Variants in TANK observed in about 807,000 individuals in gnomAD.
The protein encoded by TANK is TRAF family member-associated NF-kappa-B activator.
A neutral mutation model predicts 43.6 loss-of-function variants in TANK; 15 were observed. The ratio of observed to expected loss-of-function variants is 0.34; its 90% confidence interval spans 0.23 to 0.53. The LOEUF (loss-of-function observed/expected upper bound fraction) is 0.53, where lower values mean the gene tolerates loss of function less well. TANK is among the 20% of genes least tolerant of loss of function. The probability of loss-of-function intolerance (pLI) is 0.94; values close to 1 mark genes in which losing one functional copy is unlikely to be tolerated. For missense variants in TANK, 417 were observed against 498.6 expected (o/e 0.84, Z 1.56); for synonymous variants, 162 against 178.2 (o/e 0.91, Z 0.73).
At chr2:161,162,959 T>C (rs147099029) in intron 1 of TANK, 3 of 152,316 alleles carry the variant, frequency 2.0e-5, no homozygotes, top group East Asian at 3.9e-4. Context: ...AACAGGATAG[T>C]GAATTACTTT....
chr2:161,187,873 A>G (rs945988949), intron 2 of TANK, among the ~76,000 whole-genome samples: 6 of 152,246 alleles, frequency 3.9e-5, no homozygotes, highest in Non-Finnish European at 8.8e-5. Context: ...TCTAATCACA[A>G]TGAAATGAAA....
In TANK at chr2:161,219,297, A is replaced by G. The variant is rs76367158; in HGVS notation, c.328-4618A>G. Among the ~76,000 whole-genome samples, 630 of 152,372 alleles carry G rather than the reference A, an allele frequency of 4.1e-3. 13 individuals are homozygous for G. Among genetic ancestry groups the G allele is most frequent in the African/African-American group, 0.015 (610 of 41,584 alleles). On this transcript the variant is annotated intron_variant, in intron 4 of 7. Coordinates refer to ENST00000392749, the MANE Select transcript of TANK (RefSeq NM_001199135.3). ...ATGGGTTATGTTAAACCACAACCCA[A>G]TAAAGAACTTGGAAGTAATTAGGGT...
intron 2 of TANK, among the ~76,000 whole-genome samples, chr2:161,190,603 C>T (rs1685871198): frequency 1.3e-5 from 2 of 152,086 alleles, no homozygotes; most frequent in Non-Finnish European, 2.9e-5. Flanking sequence ...TATATACACA[C>T]AACATAGTAG....
In TANK at chr2:161,231,239, A is replaced by T; in HGVS notation, c.789A>T (p.Ala263=). The T allele has an allele frequency of 3.1e-6, 5 of 1,614,066 alleles. No individual in the cohort carries two copies. Among genetic ancestry groups the T allele is most frequent in the Non-Finnish European group, 4.2e-6 (5 of 1,180,036 alleles). Residue 263 remains alanine (A), a synonymous_variant, in exon 7 of 8, where the codon GCA becomes GCT. Transcript: ENST00000392749. Reference sequence around the variant, plus strand: ...TCCTTAGTCCTGCCACGTCTGAGGCAGTGTGCCAAGAGAAATTTAATATGG... The same window carrying T: ...TCCTTAGTCCTGCCACGTCTGAGGCTGTGTGCCAAGAGAAATTTAATATGG... ...PGILSPATSE[A]VCQEKFNMEF...
intron 4 of TANK, among the ~76,000 whole-genome samples, chr2:161,209,199 A>G (rs181778115): frequency 7.2e-4 from 109 of 152,356 alleles, no homozygotes; most frequent in African/African-American, 2.5e-3. Context: ...GAGGAGAATA[A>G]TAGCAATGCT....
chr2:161,200,841 A>G (rs561785939), intron 2 of TANK, among the ~76,000 whole-genome samples: 2 of 151,964 alleles, frequency 1.3e-5, no homozygotes, highest in East Asian at 1.9e-4. Context: ...GTAAAGGAAT[A>G]AAAGAATGGC....
At chr2:161,216,590 CA>C (rs79872049) in intron 4 of TANK, 4,762 of 121,710 alleles carry the variant, frequency 0.039, 42 homozygotes, top group South Asian at 0.1. Context: ...CTTTCTTGGC[CA>C]AAAAAAAAAA....
At chr2:161,220,184 G>A (rs1384837895) in intron 4 of TANK, among the ~76,000 whole-genome samples, 1 of 152,222 alleles carries the variant, frequency 6.6e-6, no homozygotes, top group Non-Finnish European at 1.5e-5. Context: ...GGAGTTAAGT[G>A]AAATATGTAT....
rs1428212049 is a variant in TANK, at chr2:161,216,615, AG to A, written c.328-7298del. On this transcript the variant is annotated intron_variant, in intron 4 of 7. Coordinates refer to ENST00000392749, the MANE Select transcript of TANK (RefSeq NM_001199135.3). ...CAAAAAAAAAAAAAAAAAGTTGGTG[AG>A]GCCCCCAGTTGGGAATTTTATTACT... Among the ~76,000 whole-genome samples the A allele has an allele frequency of 2.0e-5, 3 of 148,364 alleles. No individual in the cohort carries two copies. The East Asian group carries it at 5.9e-4, about 29-fold the overall frequency.
At chr2:161,188,457 CT>C (rs1415454464) in intron 2 of TANK, among the ~76,000 whole-genome samples, 9 of 152,220 alleles carry the variant, frequency 5.9e-5, no homozygotes, top group African/African-American at 2.2e-4. Context: ...AACACACTAA[CT>C]ACTAAGAATG....
chr2:161,143,869 AAT>A (rs1408902400), intron 1 of TANK, among the ~76,000 whole-genome samples: 8 of 152,082 alleles, frequency 5.3e-5, no homozygotes, highest in Non-Finnish European at 1.0e-4. Flanking sequence ...CAATTGTTTG[AAT>A]AGTTTCAGAA....
At chr2:161,153,116 C>T (rs1684124042) in intron 1 of TANK, among the ~76,000 whole-genome samples, 1 of 151,892 alleles carries the variant, frequency 6.6e-6, no homozygotes, top group Non-Finnish European at 1.5e-5. Flanking sequence ...TGCTATTGAA[C>T]CCCTATAATT....
intron 1 of TANK, among the ~76,000 whole-genome samples, chr2:161,143,608 G>T (rs1683815280): frequency 2.0e-5 from 3 of 152,014 alleles, no homozygotes; most frequent in Admixed American, 2.0e-4. Flanking sequence ...TTTATGTGAT[G>T]GATTATGTTT....
chr2:161,231,078 A>C lies in TANK; in HGVS notation c.628A>C (p.Thr210Pro). Residue 210 changes from threonine (T) to proline (P), a missense_variant, in exon 7 of 8, where the codon ACA (threonine) becomes CCA (proline). Transcript: ENST00000392749. Reference protein sequence around the residue: ...DDINRGAPSITSVTPRGLCRD... With the variant: ...DDINRGAPSIPSVTPRGLCRD... The stretch of plus-strand genomic sequence containing the variant: ...TATAAATAGAGGTGCACCATCCATC[A>C]CATCTGTCACACCAAGAGGACTGTG... 1.2e-6 allele frequency: 2 copies of C among 1,614,144 alleles called. No individual in the cohort carries two copies. The highest frequency in any genetic ancestry group is 2.2e-5 in the South Asian group (2 of 91,080).
intron 4 of TANK, chr2:161,212,925 C>T (rs1205874496): frequency 9.7e-6 from 4 of 414,210 alleles, no homozygotes; most frequent in African/African-American, 6.5e-5. Flanking sequence ...TGTAAAAGTT[C>T]AAGATTGGAC....
intron 4 of TANK, among the ~76,000 whole-genome samples, chr2:161,206,835 T>C (rs979467063): frequency 6.6e-6 from 1 of 152,128 alleles, no homozygotes; most frequent in Non-Finnish European, 1.5e-5. Context: ...ATATTTCTAA[T>C]CTTCCTCTTT....
chr2:161,234,379 T>A (rs1176984344), intron 7 of TANK, among the ~76,000 whole-genome samples: 1 of 152,232 alleles, frequency 6.6e-6, no homozygotes, highest in Non-Finnish European at 1.5e-5. Flanking sequence ...AGAATTTAGC[T>A]GTGTCAGAGG....
intron 6 of TANK, among the ~76,000 whole-genome samples, chr2:161,228,695 C>T (rs181764725): frequency 6.6e-6 from 1 of 152,348 alleles, no homozygotes; most frequent in East Asian, 1.9e-4. Flanking sequence ...CACATTCACT[C>T]ACCATTAACT....
intron 6 of TANK, among the ~76,000 whole-genome samples, chr2:161,228,522 C>T (rs1383582844): frequency 2.0e-5 from 3 of 151,818 alleles, no homozygotes; most frequent in Non-Finnish European, 2.9e-5. Context: ...GCAACAAGAG[C>T]GAAGCTCGGT....
Sources: allele counts gnomAD v4.1 joint callset (sites outside exome capture counted in the v4.1 genomes callset), GRCh38; gene constraint gnomAD v4.1.1; transcripts MANE v1.5; gene names NCBI Gene and HGNC (gene_info 2026-07-23, HGNC 2026-07-21).